Variants in BMPR1A observed in about 807,000 individuals in gnomAD.
The protein encoded by BMPR1A is bone morphogenetic protein receptor type 1A.
Under a neutral mutation model 66.0 loss-of-function variants are expected in BMPR1A, and 7 were observed. That is an observed-to-expected ratio of 0.11 (90% confidence interval 0.06 to 0.20). The LOEUF is 0.20. BMPR1A is among the 10% of genes least tolerant of loss of function. BMPR1A has a pLI of 1.00. For missense variants in BMPR1A, 408 were observed against 669.1 expected (o/e 0.61, Z 4.31); for synonymous variants, 200 against 229.7 (o/e 0.87, Z 1.17).
intron 1 of BMPR1A, among the ~76,000 whole-genome samples, chr10:86,797,258 TC>T (rs1164696577): frequency 3.8e-5 from 5 of 130,296 alleles, no homozygotes; most frequent in South Asian, 2.6e-4. Context: ...TGAGACGGAG[TC>T]TTGCTCTGTT....
At chr10:86,801,486 G>T (rs927812796) in intron 1 of BMPR1A, among the ~76,000 whole-genome samples, 2 of 152,110 alleles carry the variant, frequency 1.3e-5, no homozygotes. Context: ...CTCTGTTTGT[G>T]TATGGTATCT....
At chr10:86,901,192 T>A in intron 7 of BMPR1A, among the ~76,000 whole-genome samples, 1 of 152,232 alleles carries the variant, frequency 6.6e-6, no homozygotes, top group East Asian at 1.9e-4. Flanking sequence ...ACCTTGGAAG[T>A]GACTGCAAGC....
At chr10:86,883,705 G>A (rs1843025975) in intron 3 of BMPR1A, among the ~76,000 whole-genome samples, 1 of 151,936 alleles carries the variant, frequency 6.6e-6, no homozygotes, top group South Asian at 2.1e-4. Flanking sequence ...AGGAGGCAGA[G>A]GTTGCAGCGA....
At chr10:86,850,444 G>T (rs114796746) in intron 2 of BMPR1A, among the ~76,000 whole-genome samples, 1 of 152,048 alleles carries the variant, frequency 6.6e-6, no homozygotes, top group African/African-American at 2.4e-5. Context: ...TAGTGTACGC[G>T]CATGTCACCT....
chr10:86,757,989 G>C (rs924965437), intron 1 of BMPR1A, among the ~76,000 whole-genome samples: 1 of 152,174 alleles, frequency 6.6e-6, no homozygotes, highest in African/African-American at 2.4e-5. Flanking sequence ...CTACTTTATT[G>C]TATTTACTTG....
intron 2 of BMPR1A, among the ~76,000 whole-genome samples, chr10:86,840,524 C>T (rs1164393786): frequency 6.6e-6 from 1 of 152,080 alleles, no homozygotes; most frequent in Admixed American, 6.6e-5. Context: ...TAGAAATTAT[C>T]CTGTTTTTTT....
At chr10:86,756,284 C>G (rs1033140272), upstream of BMPR1A, 3 of 152,168 alleles carry the variant, frequency 2.0e-5, no homozygotes, top group Non-Finnish European at 4.4e-5. Context: ...GGAAGCTACC[C>G]GGGCGGCAGC....
intron 8 of BMPR1A, among the ~76,000 whole-genome samples, chr10:86,914,873 A>G (rs117800588): frequency 0.056 from 8,572 of 152,332 alleles, 382 homozygotes; most frequent in Non-Finnish European, 0.079. Context: ...CCCAAGAGAT[A>G]TGAAAACTTG....
chr10:86,914,333 T>C (rs1265499469), intron 8 of BMPR1A, among the ~76,000 whole-genome samples: 1 of 152,174 alleles, frequency 6.6e-6, no homozygotes, highest in Non-Finnish European at 1.5e-5. Flanking sequence ...GAAAAAATTA[T>C]TCTGACCTTG....
chr10:86,845,840 A>G (rs1185418793), intron 2 of BMPR1A, among the ~76,000 whole-genome samples: 1 of 152,022 alleles, frequency 6.6e-6, no homozygotes, highest in East Asian at 1.9e-4. Flanking sequence ...TACTAAAAAT[A>G]CAAAAAATTA....
intron 4 of BMPR1A, 38 bp from the exon 5 acceptor site, chr10:86,892,089 A>G (rs1194276897): frequency 6.5e-7 from 1 of 1,534,460 alleles, no homozygotes; most frequent in Non-Finnish European, 9.0e-7. Flanking sequence ...TTCTATGTGA[A>G]TTTATGTTTT....
chr10:86,897,517 G>A (rs1480886586), intron 5 of BMPR1A, among the ~76,000 whole-genome samples: 4 of 152,206 alleles, frequency 2.6e-5, no homozygotes, highest in Non-Finnish European at 5.9e-5. Flanking sequence ...CAAGCAAGAG[G>A]AAGGGAAGTT....
At chr10:86,912,079 A>G (rs1843498091) in intron 7 of BMPR1A, among the ~76,000 whole-genome samples, 161 bp from the exon 8 acceptor site, 1 of 152,118 alleles carries the variant, frequency 6.6e-6, no homozygotes, top group African/African-American at 2.4e-5. Flanking sequence ...TCTGAACTCC[A>G]TTTCTAGATG....
At chr10:86,917,833 C>T (rs1164376606) in intron 9 of BMPR1A, among the ~76,000 whole-genome samples, 2 of 152,186 alleles carry the variant, frequency 1.3e-5, no homozygotes, top group Non-Finnish European at 1.5e-5. Flanking sequence ...TTGTTTTCCT[C>T]CCTTTAATTT....
In BMPR1A at chr10:86,899,882, T is replaced by C. The variant is rs1442736321; in HGVS notation, c.422T>C (p.Val141Ala). 1.2e-6 allele frequency: 2 copies of C among 1,613,978 alleles called. No homozygotes were observed. The highest frequency in any genetic ancestry group is 1.1e-5 in the South Asian group (1 of 91,090). The change falls in exon 6 of 13, where the codon GTT becomes GCT. Residue 141 changes from valine to alanine, a missense_variant. By Grantham distance (64) the Val-to-Ala change is moderately conservative (BLOSUM62 0). Coordinates refer to ENST00000372037, the MANE Select transcript of BMPR1A (RefSeq NM_004329.3). The stretch of plus-strand genomic sequence containing the variant: ...TATTTGCAACCCACACTGCCCCCTG[T>C]TGTCATAGGTAGGTTAGCCGAGAAA... ...NQYLQPTLPP[V>A]VIGPFFDGSI...
chr10:86,820,540 C>T (rs1842107778), intron 1 of BMPR1A, among the ~76,000 whole-genome samples: 1 of 152,118 alleles, frequency 6.6e-6, no homozygotes. Flanking sequence ...CTGAGACCTC[C>T]CTCTCATTAT....
rs4029467 is a variant in BMPR1A, at chr10:86,799,469, TCTTCCTTC to T, written c.-267-39364_-267-39357del. Among the ~76,000 whole-genome samples, 455 of 120,984 alleles carry T rather than the reference TCTTCCTTC, an allele frequency of 3.8e-3. 4 individuals carry two copies. The highest frequency in any genetic ancestry group is 8.5e-3 in the Middle Eastern group (2 of 236). The allele number at this position is 120,984 out of a possible 152,430, so 79.4% of individuals were successfully genotyped here. A position where few individuals can be genotyped will look rare whatever the true frequency, so the allele number is the denominator to read the frequency against. ...TGTACATTTTCTTTCTTCCTTCCTT[TCTTCCTTC>T]CTTCCTTCCTTCCTTCCTTCCTTCC... On this transcript the variant is annotated intron_variant, in intron 1 of 12. Coordinates refer to ENST00000372037, the MANE Select transcript of BMPR1A (RefSeq NM_004329.3).
intron 1 of BMPR1A, among the ~76,000 whole-genome samples, chr10:86,796,490 C>CATTT (rs138802508): frequency 0.099 from 14,710 of 148,082 alleles, 1,211 homozygotes; most frequent in African/African-American, 0.22. Context: ...AATTTAGGCA[C>CATTT]ATTTATTTAT....
intron 2 of BMPR1A, among the ~76,000 whole-genome samples, chr10:86,868,331 A>C (rs1842809852): frequency 6.6e-6 from 1 of 152,238 alleles, no homozygotes. Flanking sequence ...TTCTACACTG[A>C]TGTAAATAAC....
Sources: gnomAD v4.1 joint callset for allele counts (sites outside exome capture counted in the v4.1 genomes callset) on GRCh38, gnomAD v4.1.1 for gene constraint, MANE v1.5 for transcripts, NCBI Gene and HGNC (gene_info 2026-07-23, HGNC 2026-07-21) for gene names.